The following CLIP1 variants were observed in gnomAD, a reference collection of about 807,000 sequenced individuals.
CLIP1 encodes CAP-Gly domain containing linker protein 1, also known as CAP-Gly domain-containing linker protein 1.
In CLIP1, 66 loss-of-function variants were observed where a neutral mutation model predicts 161.6. The ratio of observed to expected loss-of-function variants is 0.41; its 90% CI spans 0.33 to 0.50. CLIP1 has a LOEUF of 0.50. Among genes scored for constraint, CLIP1 ranks in the 20% least tolerant of loss-of-function variants. The pLI is 0.27. For missense variants in CLIP1, 1,376 were observed against 1,702.0 expected (o/e 0.81, Z 3.37); for synonymous variants, 598 against 626.2 (o/e 0.96, Z 0.67).
intron 17 of CLIP1, among the ~76,000 whole-genome samples, chr12:122,327,571 G>C (rs1001374094): frequency 2.0e-5 from 3 of 151,656 alleles, no homozygotes; most frequent in Non-Finnish European, 4.4e-5. Context: ...TTGCTTTATC[G>C]CAACATCTCT....
Position 122,355,547 on chromosome 12 carries a change from G to T in CLIP1, c.1006-235C>A, listed in dbSNP as rs1953295508. 2 of 487,552 alleles carry T rather than the reference G, an allele frequency of 4.1e-6. No homozygotes were observed. The highest frequency in any genetic ancestry group is 7.0e-5 in the Admixed American group (2 of 28,498). 30.2% of individuals were successfully genotyped at this position (487,552 alleles called of 1,614,324 possible). On this transcript the variant is annotated intron_variant, in intron 5 of 25. Transcript: ENST00000620786. The surrounding 1 kb of genome is among the most constrained non-coding windows in gnomAD (Gnocchi z 4.1). ...AGATCAGCCAGGTGCGGTGGCTCAT[G>T]CCTGTAATCCTAGCACTTCAGGAGG...
intron 1 of CLIP1, among the ~76,000 whole-genome samples, chr12:122,393,709 C>T (rs575686153): frequency 5.3e-5 from 8 of 151,836 alleles, no homozygotes; most frequent in Admixed American, 5.2e-4. Context: ...GTCAGTAGTT[C>T]GAGACCAGCC....
rs1022395388 is a variant in CLIP1 at position 122,350,917 on chromosome 12, G to C, written c.1401+194C>G. The C allele has an allele frequency of 3.0e-5, 13 of 428,670 alleles. No individual in the cohort carries two copies. In the Middle Eastern group the frequency reaches 1.5e-3, roughly 50 times the overall value. 26.6% of individuals were successfully genotyped at this position (428,670 alleles called of 1,614,324 possible). A position where few individuals can be genotyped will look rare whatever the true frequency, so the allele number is the denominator to read the frequency against. ...TATTCATTAAACACATGAATGTGTG[G>C]AGCTTAGTCATTACATACAATTTCT... On this transcript the variant is annotated intron_variant, in intron 9 of 25. Coordinates refer to ENST00000620786, the MANE Select transcript of CLIP1 (RefSeq NM_001247997.2).
At chr12:122,378,225 T>A (rs1414311838) in intron 2 of CLIP1, among the ~76,000 whole-genome samples, 2 of 152,136 alleles carry the variant, frequency 1.3e-5, no homozygotes, top group Admixed American at 1.3e-4. Context: ...TAGCTAGGAT[T>A]ACAGATGTGC....
intron 1 of CLIP1, among the ~76,000 whole-genome samples, chr12:122,420,964 TAGAC>T (rs1175965741): frequency 1.6e-4 from 24 of 150,716 alleles, no homozygotes; most frequent in African/African-American, 5.6e-4. Flanking sequence ...GATGGATGGA[TAGAC>T]AGACAGACAG....
intron 20 of CLIP1, among the ~76,000 whole-genome samples, chr12:122,307,547 C>A (rs2136483479): frequency 6.6e-6 from 1 of 152,272 alleles, no homozygotes; most frequent in South Asian, 2.1e-4. Context: ...TGTAGTACTA[C>A]AACTAAAATT....
intron 10 of CLIP1, among the ~76,000 whole-genome samples, chr12:122,345,961 T>A (rs938124444): frequency 6.6e-6 from 1 of 152,008 alleles, no homozygotes; most frequent in African/African-American, 2.4e-5. Flanking sequence ...AATTTTAGTA[T>A]TTTTAGTAGA....
At chr12:122,350,495 A>G (rs1215617543) in intron 9 of CLIP1, among the ~76,000 whole-genome samples, 1 of 152,100 alleles carries the variant, frequency 6.6e-6, no homozygotes, top group Non-Finnish European at 1.5e-5. Flanking sequence ...AAAACATGCT[A>G]TTGTCTTCAT....
In CLIP1 at chr12:122,341,527, T is replaced by C; in HGVS notation, c.1677A>G (p.Leu559=). ...TCTGGTGGTCAGTACGGGTGACTTC[T>C]AACTTTTCTTGCAAAGAGCTTATCT... is the stretch of plus-strand genomic sequence containing the variant. ...LQEISSLQEK[L]EVTRTDHQRE... is the part of the protein sequence containing the mutation. Residue 559 remains leucine (L), a synonymous_variant, in exon 11 of 26, where the codon TTA becomes TTG. Coordinates refer to ENST00000620786, the MANE Select transcript of CLIP1 (RefSeq NM_001247997.2). 1 of 1,614,146 alleles carries C rather than the reference T, an allele frequency of 6.2e-7. No homozygotes were observed. Among genetic ancestry groups the C allele is most frequent in the South Asian group, 1.1e-5 (1 of 91,078 alleles).
rs373177135 is a variant in CLIP1, at chr12:122,377,511, G to C, written c.535C>G (p.Pro179Ala). The change falls in exon 3 of 26, where the codon CCT becomes GCT. Residue 179 changes from proline (P) to alanine (A), a missense_variant. Physicochemically the swap from Pro to Ala is conservative, Grantham distance 27. This residue lies in a region of CLIP1 where 119 missense variants were observed against 112.0 expected (regional missense o/e 1.06). Coordinates refer to ENST00000620786, the MANE Select transcript of CLIP1 (RefSeq NM_001247997.2). ...QKPSQPAAKE[P>A]SATPPISNLT... ...TTGCTGATCGGAGGCGTAGCTGAAG[G>C]TTCCTTTGCTGCTGGCTGTGATGGT... The C allele has an allele frequency of 1.8e-5, 29 of 1,614,096 alleles. No homozygotes were observed. Among genetic ancestry groups the C allele is most frequent in the Non-Finnish European group, 2.2e-5 (26 of 1,180,034 alleles).
chr12:122,340,722 A>G, intron 11 of CLIP1, 31 bp downstream of exon 11: 1 of 1,484,108 alleles, frequency 6.7e-7, no homozygotes, highest in Non-Finnish European at 9.1e-7. Flanking sequence ...AACAAATGGA[A>G]AAGAAAAGAA....
chr12:122,418,592 GA>G (rs199967683), intron 1 of CLIP1, among the ~76,000 whole-genome samples: 1 of 151,548 alleles, frequency 6.6e-6, no homozygotes, highest in African/African-American at 2.4e-5. Context: ...ATCTCTACAG[GA>G]AAAAAAATTT....
At chr12:122,397,870 G>A (rs990017009) in intron 1 of CLIP1, among the ~76,000 whole-genome samples, 16 of 151,606 alleles carry the variant, frequency 1.1e-4, no homozygotes, top group Admixed American at 2.0e-4. Flanking sequence ...CAGGATAATC[G>A]CTTGAAGCCA....
At chr12:122,273,874 G>A (rs1246883615) in intron 25 of CLIP1, among the ~76,000 whole-genome samples, 164 bp downstream of exon 25, 1 of 152,072 alleles carries the variant, frequency 6.6e-6, no homozygotes, top group Non-Finnish European at 1.5e-5. Flanking sequence ...TGGGATTACA[G>A]GCATGCAACA....
rs572286114 is a variant in CLIP1 at position 122,380,253 on chromosome 12, A to C, written c.85+115T>G. ...GTTAGATTCCATCTCAAAAAAAAAAAAAAATCTTTCAAATATTTTCAAGAA... is the reference window on the plus strand; with the variant it reads ...GTTAGATTCCATCTCAAAAAAAAAACAAAATCTTTCAAATATTTTCAAGAA... On this transcript the variant is annotated intron_variant, in intron 2 of 25. Coordinates refer to ENST00000620786, the MANE Select transcript of CLIP1 (RefSeq NM_001247997.2). 23 of 710,264 alleles carry C rather than the reference A, an allele frequency of 3.2e-5. No homozygotes were observed. In the Middle Eastern group the frequency reaches 9.4e-4, roughly 29 times the overall value. The allele number at this position is 710,264 out of a possible 1,614,324, so 44.0% of individuals were successfully genotyped here.
rs577365233 is a variant in CLIP1 at position 122,394,413 on chromosome 12, C to T, written c.-106-13855G>A. 3.7e-5 allele frequency among the ~76,000 whole-genome samples: 5 copies of T among 133,876 alleles called. No homozygotes were observed. In the South Asian group the frequency reaches 9.8e-4, roughly 26 times the overall value. 87.8% of individuals were successfully genotyped at this position (133,876 alleles called of 152,430 possible). On this transcript the variant is annotated intron_variant, in intron 1 of 25. Coordinates refer to ENST00000620786, the MANE Select transcript of CLIP1 (RefSeq NM_001247997.2). Reference sequence around the variant, plus strand: ...CTCAGGCACGAGAATCGTTTGAAGCCGGGAAGCGGAGGTTGCAGTGAGCCA... The same window carrying T: ...CTCAGGCACGAGAATCGTTTGAAGCTGGGAAGCGGAGGTTGCAGTGAGCCA...
At chr12:122,334,177 T>A in intron 13 of CLIP1, 67 bp from the exon 14 acceptor site, 1 of 961,254 alleles carries the variant, frequency 1.0e-6, no homozygotes, top group South Asian at 1.4e-5. Context: ...AGCTTGGCTG[T>A]CTTACAACCC....
At position 122,360,997 on chromosome 12, in the gene CLIP1, C is replaced by T. The variant is rs529566365; in HGVS notation, c.967G>A (p.Ala323Thr). Residue 323 changes from alanine to threonine, a missense_variant, in exon 5 of 26, where the codon GCC becomes ACC. By Grantham distance (58) the Ala-to-Thr change is moderately conservative. Coordinates refer to ENST00000620786, the MANE Select transcript of CLIP1 (RefSeq NM_001247997.2). ...ASSLSSMSSV[A>T]SSVSSRPSRT... ...CTGGGCCTGCTGCTCACAGAGGAGG[C>T]CACTGAGCTCATGGAGCTGAGGGAA... is the stretch of plus-strand genomic sequence containing the variant. 6 of 1,613,860 alleles carry T rather than the reference C, an allele frequency of 3.7e-6. No homozygotes were observed. Among genetic ancestry groups the T allele is most frequent in the African/African-American group, 1.3e-5 (1 of 74,934 alleles).
intron 11 of CLIP1, among the ~76,000 whole-genome samples, chr12:122,338,199 G>T (rs779926337): frequency 6.6e-6 from 1 of 151,708 alleles, no homozygotes; most frequent in Non-Finnish European, 1.5e-5. Flanking sequence ...TTAGCCAGGC[G>T]TGGTGGCACA....
Sources: allele counts gnomAD v4.1 joint callset (sites outside exome capture counted in the v4.1 genomes callset), GRCh38; gene constraint gnomAD v4.1.1; regional missense constraint gnomAD v4.1.1; non-coding constraint Gnocchi (gnomAD v3.1); transcripts MANE v1.5; gene names NCBI Gene and HGNC (gene_info 2026-07-23, HGNC 2026-07-21).